Variants in DNPEP observed in about 807,000 individuals in gnomAD.
DNPEP encodes aspartyl aminopeptidase.
DNPEP carries 46 observed loss-of-function variants against 59.1 expected under a neutral mutation model. That is an observed-to-expected ratio of 0.78 (90% CI 0.61 to 0.99). The LOEUF is 0.99. Ranked by LOEUF, DNPEP falls within the 50% of genes least tolerant of loss-of-function variation. DNPEP has a pLI of 0.00. For missense variants in DNPEP, 617 were observed against 649.9 expected, an observed-to-expected ratio of 0.95 and a Z score of 0.55; for synonymous variants, 229 against 242.2, an observed-to-expected ratio of 0.95 and a Z score of 0.50.
At chr2:219,375,643 C>T (rs1009907298) in intron 13 of DNPEP, among the ~76,000 whole-genome samples, 2 of 152,116 alleles carry the variant, frequency 1.3e-5, no homozygotes, top group African/African-American at 2.4e-5. Context: ...CTCGCTGCAA[C>T]CTCTGCCTCC....
At chr2:219,375,162 T>C (rs764339720) in intron 13 of DNPEP, 140 bp from the exon 14 acceptor site, 303 of 843,330 alleles carry the variant, frequency 3.6e-4, no homozygotes, top group Non-Finnish European at 2.1e-4. Flanking sequence ...CAATGCTAAA[T>C]GGCAGACCCC....
chr2:219,390,754 C>T (rs1172842552), upstream of DNPEP, among the ~76,000 whole-genome samples: 2 of 152,024 alleles, frequency 1.3e-5, no homozygotes, highest in African/African-American at 2.4e-5. Context: ...TGCTTGAACC[C>T]GGGAGGCAGA....
upstream of DNPEP, chr2:219,388,585 C>T (rs560107116): frequency 2.0e-3 from 1,111 of 557,526 alleles, 4 homozygotes; most frequent in South Asian, 4.6e-3. Context: ...CGCCGCGCGA[C>T]CCGCAGCCGC....
chr2:219,387,937 G>A (rs1390677107), upstream of DNPEP: 11 of 1,303,850 alleles, frequency 8.4e-6, no homozygotes, highest in Non-Finnish European at 1.1e-5. Context: ...CCCGCCCCAT[G>A]TTTGGCCTCC....
At position 219,386,951 on chromosome 2, in the gene DNPEP, G is replaced by A; in HGVS notation, c.160C>T (p.Gln54Ter). Reference protein sequence around the residue: ...AVAECRNRLLQAGFSELKETE... With the variant: ...AVAECRNRLL Reference sequence around the variant, plus strand: ...TCCTTGAGTTCACTGAAGCCAGCCTGGAGAAGGCGGTTGCGGCATTCAGCC... The same window carrying A: ...TCCTTGAGTTCACTGAAGCCAGCCTAGAGAAGGCGGTTGCGGCATTCAGCC... Residue 54 changes from glutamine to a stop codon, truncating the protein, a stop_gained, in exon 3 of 15, where the codon CAG becomes TAG. Transcript: ENST00000273075. LOFTEE classifies it high-confidence loss of function. 1 of 1,613,840 alleles carries A rather than the reference G, an allele frequency of 6.2e-7. No homozygotes were observed. The highest frequency in any genetic ancestry group is 8.5e-7 in the Non-Finnish European group (1 of 1,179,972).
chr2:219,385,874 G>A, intron 6 of DNPEP, 94 bp downstream of exon 6: 2 of 1,539,552 alleles, frequency 1.3e-6, no homozygotes, highest in South Asian at 2.4e-5. Context: ...TGGGTCCCAA[G>A]AGTAAAATGT....
intron 11 of DNPEP, 117 bp from the exon 12 acceptor site, chr2:219,381,701 G>A: frequency 8.2e-7 from 1 of 1,222,346 alleles, no homozygotes; most frequent in Non-Finnish European, 1.2e-6. Context: ...CCAGCCCAGT[G>A]GGACTTCAGA....
At chr2:219,376,612 C>T (rs1574970099) in intron 13 of DNPEP, among the ~76,000 whole-genome samples, 1 of 151,998 alleles carries the variant, frequency 6.6e-6, no homozygotes, top group Admixed American at 6.6e-5. Context: ...GCTTTCCAAT[C>T]AATAGGAATG....
chr2:219,391,094 C>A (rs1954009264), upstream of DNPEP, among the ~76,000 whole-genome samples: 2 of 152,304 alleles, frequency 1.3e-5, no homozygotes, highest in South Asian at 4.1e-4. Context: ...ACATAGCATT[C>A]ATGACTTTGC....
chr2:219,375,386 A>G (rs1470605577), intron 13 of DNPEP, among the ~76,000 whole-genome samples: 1 of 152,152 alleles, frequency 6.6e-6, no homozygotes, highest in Non-Finnish European at 1.5e-5. Context: ...TTTTCTTTAT[A>G]TTATGGTAAA....
At chr2:219,384,336 T>C (rs1323427716) in intron 9 of DNPEP, 30 bp downstream of exon 9, 3 of 1,590,072 alleles carry the variant, frequency 1.9e-6, no homozygotes, top group Admixed American at 1.8e-5. Context: ...CTGGTGGTTA[T>C]GTGCTGCCTG....
Position 219,385,888 on chromosome 2 carries a change from C to G in DNPEP, c.590+80G>C, listed in dbSNP as rs561003440. 8 of 1,569,664 alleles carry G rather than the reference C, an allele frequency of 5.1e-6. No individual in the cohort carries two copies. The South Asian group carries it at 9.4e-5, about 18-fold the overall frequency. ...CTGGGTCCCAAGAGTAAAATGTGACCTAATGGCTACCATTAGGTAATAATC... is the reference window on the plus strand; with the variant it reads ...CTGGGTCCCAAGAGTAAAATGTGACGTAATGGCTACCATTAGGTAATAATC... On this transcript the variant is annotated intron_variant, in intron 6 of 14. Transcript: ENST00000273075.
Position 219,372,739 on chromosome 2 carries a change from T to C in DNPEP, c.*1553A>G, listed in dbSNP as rs1253267413. On this transcript the variant is annotated 3_prime_UTR_variant, in exon 15 of 15. Transcript: ENST00000273075. ...CTGCCTTTTCTACTCAACAATGTCT[T>C]TGTAATCTCTTCATGTTAGTACACA... Among the ~76,000 whole-genome samples, 2 of 152,174 alleles carry C rather than the reference T, an allele frequency of 1.3e-5. No individual in the cohort carries two copies. Among genetic ancestry groups the C allele is most frequent in the Non-Finnish European group, 2.9e-5 (2 of 68,030 alleles).
chr2:219,380,948 C>T (rs1953571084), intron 13 of DNPEP, among the ~76,000 whole-genome samples: 2 of 152,022 alleles, frequency 1.3e-5, no homozygotes, highest in Non-Finnish European at 2.9e-5. Context: ...CCTGAACTTT[C>T]CCTGTGGAAG....
chr2:219,398,649 C>CAA (rs533381181), intron 1 of DNPEP, among the ~76,000 whole-genome samples: 1 of 135,856 alleles, frequency 7.4e-6, no homozygotes. Flanking sequence ...GACTCCATCT[C>CAA]AAAAAAAAAA....
chr2:219,385,966 A>G lies in DNPEP; in HGVS notation c.590+2T>C. ...GCCACCGCAGCCCTGCCCCAGTCTC[A>G]CAGATGCATCTCTGTGTTGGGCCCA... On this transcript the variant is annotated splice_donor_variant, in intron 6 of 14. Transcript: ENST00000273075. LOFTEE classifies it high-confidence loss of function. 6.2e-7 allele frequency: 1 copy of G among 1,613,978 alleles called. No homozygotes were observed. Among genetic ancestry groups the G allele is most frequent in the Non-Finnish European group, 8.5e-7 (1 of 1,179,922 alleles).
rs912838348 is a variant in DNPEP at position 219,372,221 on chromosome 2, T to C, written c.*2071A>G. 6.6e-6 allele frequency among the ~76,000 whole-genome samples: 1 copy of C among 152,184 alleles called. No individual in the cohort carries two copies. The highest frequency in any genetic ancestry group is 2.4e-5 in the African/African-American group (1 of 41,440). On this transcript the variant is annotated 3_prime_UTR_variant, in exon 15 of 15. Transcript: ENST00000273075. ...AAGTAATACATGGTACATTCTGTTA[T>C]ACAAAAGGAAACCATTACAAAAAGG...
intron 13 of DNPEP, 40 bp from the exon 14 acceptor site, chr2:219,375,062 T>G: frequency 6.2e-7 from 1 of 1,605,072 alleles, no homozygotes; most frequent in Non-Finnish European, 8.5e-7. Context: ...ATGCAGTGTG[T>G]GCTTATCAGA....
chr2:219,381,043 C>T (rs1953574836), intron 13 of DNPEP, among the ~76,000 whole-genome samples: 1 of 152,156 alleles, frequency 6.6e-6, no homozygotes, highest in African/African-American at 2.4e-5. Context: ...CACACTGTAC[C>T]TTCAGTCTTC....
Sources: gnomAD v4.1 joint callset for allele counts (sites outside exome capture counted in the v4.1 genomes callset) on GRCh38, gnomAD v4.1.1 for gene constraint, MANE v1.5 for transcripts, NCBI Gene and HGNC (gene_info 2026-07-23, HGNC 2026-07-21) for gene names.